Variants in MKLN1 observed in about 807,000 individuals in gnomAD.
The protein encoded by MKLN1 is muskelin 1.
MKLN1 carries 18 observed loss-of-function variants against 99.0 expected under a neutral mutation model. That is an observed-to-expected ratio of 0.18 (90% CI 0.13 to 0.27). The LOEUF is 0.27. MKLN1 is among the 10% of genes least tolerant of loss of function. MKLN1 has a pLI of 1.00. For synonymous variants in MKLN1, 288 were observed against 293.2 expected (o/e 0.98, Z 0.18); for missense variants, 621 against 875.9 (o/e 0.71, Z 3.67).
At chr7:131,253,348 C>A (rs915570454) in intron 3 of MKLN1, among the ~76,000 whole-genome samples, 3 of 152,150 alleles carry the variant, frequency 2.0e-5, no homozygotes, top group African/African-American at 7.2e-5. Flanking sequence ...TGGGGAGGGG[C>A]AGGCCACCAG....
chr7:131,353,439 T>C (rs1346783566), intron 1 of MKLN1, among the ~76,000 whole-genome samples: 1 of 152,164 alleles, frequency 6.6e-6, no homozygotes, highest in African/African-American at 2.4e-5. Flanking sequence ...GATTGGATTG[T>C]TTGCCTTTTA....
intron 3 of MKLN1, among the ~76,000 whole-genome samples, chr7:131,266,171 C>T (rs1236720492): frequency 2.1e-5 from 1 of 48,246 alleles, no homozygotes; most frequent in Non-Finnish European, 3.9e-5. Context: ...AAGACTGCAT[C>T]TCAAAAAAAA....
intron 16 of MKLN1, among the ~76,000 whole-genome samples, chr7:131,473,800 T>C (rs756335688): frequency 2.6e-5 from 4 of 152,184 alleles, no homozygotes; most frequent in Non-Finnish European, 5.9e-5. Context: ...ACTTACATTT[T>C]AGTGGAGAAA....
chr7:131,298,188 G>C (rs1268931441), intron 3 of MKLN1, among the ~76,000 whole-genome samples: 1 of 151,960 alleles, frequency 6.6e-6, no homozygotes, highest in Non-Finnish European at 1.5e-5. Flanking sequence ...GAAGAATGGC[G>C]TGAACCCAGG....
chr7:131,182,867 A>G (rs965984485), intron 2 of MKLN1, among the ~76,000 whole-genome samples: 1 of 152,220 alleles, frequency 6.6e-6, no homozygotes, highest in African/African-American at 2.4e-5. Flanking sequence ...GCAGCACAAG[A>G]AAGGCTCTGA....
At chr7:131,112,365 C>G (rs1438269186) in intron 1 of MKLN1, among the ~76,000 whole-genome samples, 1 of 152,142 alleles carries the variant, frequency 6.6e-6, no homozygotes, top group Non-Finnish European at 1.5e-5. Context: ...AGCACTGAAC[C>G]TTTAATATCT....
chr7:131,121,284 G>T (rs1348462431), intron 1 of MKLN1, among the ~76,000 whole-genome samples: 1 of 152,062 alleles, frequency 6.6e-6, no homozygotes, highest in Non-Finnish European at 1.5e-5. Flanking sequence ...CCAACATTGG[G>T]AATTACAATT....
intron 2 of MKLN1, among the ~76,000 whole-genome samples, chr7:131,184,753 C>T (rs1796425163): frequency 1.3e-5 from 2 of 152,172 alleles, no homozygotes. Flanking sequence ...TCTCGAACTC[C>T]TGACCTCAGG....
At chr7:131,399,064 G>A (rs1245383082) in intron 5 of MKLN1, among the ~76,000 whole-genome samples, 177 bp from the exon 6 acceptor site, 1 of 152,194 alleles carries the variant, frequency 6.6e-6, no homozygotes, top group African/African-American at 2.4e-5. Context: ...CCAAGCTTTA[G>A]TTTTGCTAGT....
chr7:131,173,979 T>TC (rs1237628548), intron 2 of MKLN1, among the ~76,000 whole-genome samples: 7 of 146,224 alleles, frequency 4.8e-5, no homozygotes, highest in Non-Finnish European at 9.1e-5. Context: ...TTTTTCTTTT[T>TC]TTTTTTTTTT....
At chr7:131,371,020 T>C (rs1169029673) in intron 1 of MKLN1, among the ~76,000 whole-genome samples, 1 of 152,212 alleles carries the variant, frequency 6.6e-6, no homozygotes, top group African/African-American at 2.4e-5. Context: ...TATTTCTTTT[T>C]AATTTTCCTT....
chr7:131,366,834 T>C (rs1044362857), intron 1 of MKLN1, among the ~76,000 whole-genome samples: 1 of 151,992 alleles, frequency 6.6e-6, no homozygotes, highest in Non-Finnish European at 1.5e-5. Context: ...GAGTAGTAAT[T>C]TGAAAGGTAT....
rs1797345167 is a variant in MKLN1, at chr7:131,488,500, A to G, written c.*772A>G. 6.6e-6 allele frequency: 1 copy of G among 152,588 alleles called. No homozygotes were observed. The highest frequency in any genetic ancestry group is 2.4e-5 in the African/African-American group (1 of 41,452). The allele number at this position is 152,588 out of a possible 1,614,324, so 9.5% of individuals were successfully genotyped here. ...CACAGAAACCTTAAACTGAGGAGAC[A>G]ATAGTTCAGAACCTTTTTAAGAGCC... On this transcript the variant is annotated 3_prime_UTR_variant, in exon 18 of 18. Coordinates refer to ENST00000352689, the MANE Select transcript of MKLN1 (RefSeq NM_013255.5).
chr7:131,486,999 G>A (rs1344134298), intron 17 of MKLN1, among the ~76,000 whole-genome samples: 1 of 152,056 alleles, frequency 6.6e-6, no homozygotes, highest in African/African-American at 2.4e-5. Flanking sequence ...TAGCATAAAG[G>A]TATAGTGTTA....
chr7:131,471,742 C>T (rs1020895582), intron 16 of MKLN1: 8 of 152,178 alleles, frequency 5.3e-5, no homozygotes, highest in East Asian at 1.9e-4. Flanking sequence ...GGTCTCTTTC[C>T]GTGTTAGCTC....
At chr7:131,125,161 G>T (rs572419684) in intron 1 of MKLN1, among the ~76,000 whole-genome samples, 49 of 152,310 alleles carry the variant, frequency 3.2e-4, no homozygotes, top group African/African-American at 1.1e-3. Flanking sequence ...TTGGCACAGG[G>T]ACACGATATA....
intron 2 of MKLN1, among the ~76,000 whole-genome samples, chr7:131,145,008 A>C (rs1456671068): frequency 6.7e-6 from 1 of 148,344 alleles, no homozygotes; most frequent in Non-Finnish European, 1.5e-5. Context: ...CAACAACAAC[A>C]ACAACAACAA....
chr7:131,350,965 T>G (rs2116762496), intron 1 of MKLN1, among the ~76,000 whole-genome samples: 1 of 152,374 alleles, frequency 6.6e-6, no homozygotes, highest in African/African-American at 2.4e-5. Flanking sequence ...TAATTACAAT[T>G]AATACCTAGT....
At chr7:131,119,034 C>G (rs1795320487) in intron 1 of MKLN1, among the ~76,000 whole-genome samples, 1 of 152,196 alleles carries the variant, frequency 6.6e-6, no homozygotes, top group African/African-American at 2.4e-5. Context: ...CTCATTCCAG[C>G]ATTAACTTAA....
Sources: gnomAD v4.1 joint callset for allele counts (sites outside exome capture counted in the v4.1 genomes callset) on GRCh38, gnomAD v4.1.1 for gene constraint, MANE v1.5 for transcripts, NCBI Gene and HGNC (gene_info 2026-07-23, HGNC 2026-07-21) for gene names.